NDRG3: variants seen among roughly 807,000 people sequenced by gnomAD.
NDRG3 encodes the protein NDRG family member 3.
A neutral mutation model predicts 57.2 loss-of-function variants in NDRG3; 23 were observed. That is an observed-to-expected ratio of 0.40 (90% CI 0.29 to 0.57). The LOEUF (loss-of-function observed/expected upper bound fraction) is 0.57. Ranked by LOEUF, NDRG3 falls within the 20% of genes least tolerant of loss-of-function variation. The pLI is 0.42. For missense variants in NDRG3, 384 were observed against 457.3 expected (o/e 0.84, Z 1.46); for synonymous variants, 132 against 162.6 (o/e 0.81, Z 1.43).
intron 4 of NDRG3, among the ~76,000 whole-genome samples, chr20:36,688,268 C>T (rs1015045292): frequency 1.3e-5 from 2 of 152,156 alleles, no homozygotes; most frequent in Non-Finnish European, 2.9e-5. Context: ...GAAAAGTCCA[C>T]TTAAAGTCAC....
chr20:36,657,033 C>T (rs1978734648), intron 13 of NDRG3, among the ~76,000 whole-genome samples: 1 of 152,186 alleles, frequency 6.6e-6, no homozygotes, highest in South Asian at 2.1e-4. Context: ...CTTTTCACTT[C>T]ATAAACATTT....
rs1555807708 is a variant in NDRG3 at position 36,733,171 on chromosome 20, AATATAT to A, written c.-48-11394_-48-11389del. ...CAAAAAAAAAAAAAAAAAAAAAAAA[AATATAT>A]ATATATATATATATATATATATATA... is the stretch of plus-strand genomic sequence containing the variant. On this transcript the variant is annotated intron_variant, in intron 1 of 15. Transcript: ENST00000349004. Among the ~76,000 whole-genome samples, 283 of 33,176 alleles carry A rather than the reference AATATAT, an allele frequency of 8.5e-3. 2 individuals carry two copies. The highest frequency in any genetic ancestry group is 0.024 in the African/African-American group (227 of 9,374). The allele number at this position is 33,176 out of a possible 152,430, so 21.8% of individuals were successfully genotyped here. A position where few individuals can be genotyped will look rare whatever the true frequency, so the allele number is the denominator to read the frequency against.
chr20:36,689,642 T>G (rs560228026), intron 3 of NDRG3, among the ~76,000 whole-genome samples: 4 of 152,228 alleles, frequency 2.6e-5, no homozygotes, highest in African/African-American at 9.6e-5. Flanking sequence ...AACATAAACT[T>G]ACGGCCATAG....
chr20:36,732,622 T>C lies in NDRG3; in HGVS notation c.-48-10839A>G, dbSNP rs549731534. On this transcript the variant is annotated intron_variant, in intron 1 of 15. Transcript: ENST00000349004. ...GGAATTCTGTGATCCTGAAGCTCCC[T>C]GTAGAAGTAGTACTTCACATTCCTC... Among the ~76,000 whole-genome samples the C allele has an allele frequency of 4.6e-5, 7 of 152,302 alleles. No individual in the cohort carries two copies. In the East Asian group the frequency reaches 1.4e-3, roughly 29 times the overall value.
intron 12 of NDRG3, among the ~76,000 whole-genome samples, 172 bp from the exon 13 acceptor site, chr20:36,660,556 A>ATTT (rs1487562525): frequency 1.3e-5 from 2 of 150,346 alleles, no homozygotes; most frequent in African/African-American, 2.5e-5. Context: ...TTATTTATTT[A>ATTT]TTTATTTATT....
chr20:36,716,797 T>G (rs1271132447), intron 2 of NDRG3, among the ~76,000 whole-genome samples: 2 of 152,044 alleles, frequency 1.3e-5, no homozygotes, highest in African/African-American at 2.4e-5. Flanking sequence ...TTACAAGGTC[T>G]TTTGGGTGAG....
At chr20:36,685,266 T>C (rs1981682581) in intron 5 of NDRG3, among the ~76,000 whole-genome samples, 1 of 151,888 alleles carries the variant, frequency 6.6e-6, no homozygotes, top group Non-Finnish European at 1.5e-5. Flanking sequence ...CACTTAGGCA[T>C]AGAATAACAT....
chr20:36,715,461 A>G (rs1984217217), intron 2 of NDRG3, among the ~76,000 whole-genome samples: 1 of 151,228 alleles, frequency 6.6e-6, no homozygotes, highest in Non-Finnish European at 1.5e-5. Flanking sequence ...ATGTCAATAA[A>G]TCTATTTTTA....
intron 1 of NDRG3, among the ~76,000 whole-genome samples, chr20:36,734,516 G>A (rs764184592): frequency 6.6e-6 from 1 of 152,114 alleles, no homozygotes; most frequent in Non-Finnish European, 1.5e-5. Context: ...CACAGATGGG[G>A]GACTGGAATT....
intron 1 of NDRG3, among the ~76,000 whole-genome samples, chr20:36,728,963 C>T (rs1277391071): frequency 6.6e-6 from 1 of 152,098 alleles, no homozygotes; most frequent in Non-Finnish European, 1.5e-5. Flanking sequence ...CTCAGGTGAT[C>T]CGCCGACCTC....
intron 1 of NDRG3, among the ~76,000 whole-genome samples, chr20:36,744,969 G>GC (rs1309553124): frequency 3.3e-5 from 2 of 60,336 alleles, no homozygotes; most frequent in East Asian, 2.9e-4. Context: ...CCAGGGTAAG[G>GC]GGGGGGGGGG....
At chr20:36,690,085 G>GGA (rs1203211882) in intron 3 of NDRG3, among the ~76,000 whole-genome samples, 1 of 152,070 alleles carries the variant, frequency 6.6e-6, no homozygotes, top group East Asian at 1.9e-4. Context: ...AATCAACTTG[G>GGA]GAGATTTTAG....
At chr20:36,693,108 ATATATATATATATATATATAT>A (rs1568646994) in intron 3 of NDRG3, among the ~76,000 whole-genome samples, 2 of 26,716 alleles carry the variant, frequency 7.5e-5, no homozygotes, top group African/African-American at 4.1e-4. Flanking sequence ...AAAAAAAAAT[ATATATATATATATATATATAT>A]ATATATATAT....
chr20:36,690,820 C>G (rs1396507217), intron 3 of NDRG3, among the ~76,000 whole-genome samples: 1 of 148,638 alleles, frequency 6.7e-6, no homozygotes, highest in Non-Finnish European at 1.5e-5. Flanking sequence ...CCGAGCAAAG[C>G]TCAGGAACCG....
At chr20:36,708,647 CAAAAAAAAAA>C (rs746647555) in intron 2 of NDRG3, among the ~76,000 whole-genome samples, 6 of 62,654 alleles carry the variant, frequency 9.6e-5, no homozygotes, top group Admixed American at 5.6e-4. Context: ...GACTCCGTCT[CAAAAAAAAAA>C]AAAAAAAAAG....
intron 1 of NDRG3, among the ~76,000 whole-genome samples, chr20:36,727,381 G>T (rs554497105): frequency 6.6e-6 from 1 of 151,686 alleles, no homozygotes; most frequent in Non-Finnish European, 1.5e-5. Flanking sequence ...CACCAGGACC[G>T]GCTAATTTTT....
At chr20:36,663,761 CAA>C (rs1418832605) in intron 12 of NDRG3, among the ~76,000 whole-genome samples, 1 of 152,150 alleles carries the variant, frequency 6.6e-6, no homozygotes, top group Non-Finnish European at 1.5e-5. Flanking sequence ...AGGAAATAAT[CAA>C]AGATTCAAAG....
intron 8 of NDRG3, among the ~76,000 whole-genome samples, chr20:36,675,059 A>ATTTTTTT (rs34154196): frequency 9.9e-6 from 1 of 101,208 alleles, no homozygotes; most frequent in Non-Finnish European, 2.0e-5. Flanking sequence ...CACAACTGGC[A>ATTTTTTT]TTTTTTTTTT....
intron 6 of NDRG3, among the ~76,000 whole-genome samples, chr20:36,683,351 C>T (rs765300231): frequency 1.6e-4 from 25 of 152,052 alleles, no homozygotes; most frequent in Admixed American, 2.6e-4. Flanking sequence ...CAGTGGCTCA[C>T]GCCTATGATC....
Sources: gnomAD v4.1 joint callset for allele counts (sites outside exome capture counted in the v4.1 genomes callset) on GRCh38, gnomAD v4.1.1 for gene constraint, MANE v1.5 for transcripts, NCBI Gene and HGNC (gene_info 2026-07-23, HGNC 2026-07-21) for gene names.